Variants in NLRP12 observed in about 807,000 individuals in gnomAD.
NLRP12 encodes the protein NACHT, LRR and PYD domains-containing protein 12.
A neutral mutation model predicts 91.2 loss-of-function variants in NLRP12; 108 were observed. The ratio of observed to expected loss-of-function variants is 1.18; its 90% confidence interval spans 1.01 to 1.39. NLRP12 has a LOEUF of 1.39. Ranked by LOEUF, NLRP12 falls within the 40% of genes most tolerant of loss-of-function variation. The pLI, the probability that NLRP12 is intolerant of heterozygous loss-of-function variation, is 0.00. For synonymous variants in NLRP12, 613 were observed against 566.7 expected (o/e 1.08, Z -1.16); for missense variants, 1,530 against 1,352.7 (o/e 1.13, Z -2.06).
rs1189952719 is a variant in NLRP12 at position 53,810,822 on chromosome 19, G to A, written c.837C>T (p.Leu279=). Residue 279 remains leucine, a synonymous_variant, in exon 3 of 10, where the codon CTC becomes CTT. Coordinates refer to ENST00000324134, the MANE Select transcript of NLRP12 (RefSeq NM_144687.4). The stretch of plus-strand genomic sequence containing the variant: ...GCTCGGGAACTCGGATGAGCTCCTG[G>A]AGAGGCGCGCTGGGCTCAGGCCAGC... ...FSCWPEPSAP[L]QELIRVPERL... 2 of 1,614,124 alleles carry A rather than the reference G, an allele frequency of 1.2e-6. No homozygotes were observed. The highest frequency in any genetic ancestry group is 2.2e-5 in the East Asian group (1 of 44,882).
intron 1 of NLRP12, among the ~76,000 whole-genome samples, chr19:53,815,238 T>TTTTC: frequency 6.8e-6 from 1 of 147,274 alleles, no homozygotes; most frequent in African/African-American, 2.5e-5. Context: ...TTTTTTTTTT[T>TTTTC]TTTTTTTTGA....
At chr19:53,821,226 C>T (rs964576376) in intron 1 of NLRP12, among the ~76,000 whole-genome samples, 1 of 151,696 alleles carries the variant, frequency 6.6e-6, no homozygotes, top group African/African-American at 2.4e-5. Flanking sequence ...TTAGTAGAGA[C>T]AGGGTTTCAC....
chr19:53,811,900 G>C (rs1047251799), intron 2 of NLRP12, among the ~76,000 whole-genome samples: 1 of 152,034 alleles, frequency 6.6e-6, no homozygotes, highest in Non-Finnish European at 1.5e-5. Context: ...TTTATAGAAC[G>C]GGTACATTAC....
intron 2 of NLRP12, among the ~76,000 whole-genome samples, chr19:53,814,407 C>A (rs1239983990): frequency 1.3e-5 from 2 of 152,044 alleles, no homozygotes; most frequent in Middle Eastern, 3.2e-3. Context: ...GGCTGGAGTG[C>A]AGTGGTGCAA....
At chr19:53,808,273 G>C (rs572085077) in intron 3 of NLRP12, 1 of 178,262 alleles carries the variant, frequency 5.6e-6, no homozygotes, top group East Asian at 1.4e-4. Flanking sequence ...TGTCCAGGCT[G>C]CACCTGGCTC....
intron 6 of NLRP12, among the ~76,000 whole-genome samples, chr19:53,802,524 G>A (rs1019807862): frequency 1.3e-5 from 2 of 151,798 alleles, no homozygotes; most frequent in African/African-American, 4.8e-5. Flanking sequence ...TGGCTAACAC[G>A]GTGAAACCCC....
chr19:53,824,296 A>C lies in NLRP12; in HGVS notation c.-122T>G. On this transcript the variant is annotated 5_prime_UTR_variant, in exon 1 of 10. Coordinates refer to ENST00000324134, the MANE Select transcript of NLRP12 (RefSeq NM_144687.4). ...TCACAGGCAGCGGGCGGAGAGGCTGAGCCAGTGGTTGGAGGAGAGAGCAAG... is the reference window on the plus strand; with the variant it reads ...TCACAGGCAGCGGGCGGAGAGGCTGCGCCAGTGGTTGGAGGAGAGAGCAAG... 1 of 1,044,226 alleles carries C rather than the reference A, an allele frequency of 9.6e-7. No individual in the cohort carries two copies. Among genetic ancestry groups the C allele is most frequent in the Non-Finnish European group, 1.4e-6 (1 of 693,962 alleles). The allele number at this position is 1,044,226 out of a possible 1,614,324, so 64.7% of individuals were successfully genotyped here.
At chr19:53,800,987 G>A (rs1342222872) in intron 7 of NLRP12, among the ~76,000 whole-genome samples, 1 of 151,430 alleles carries the variant, frequency 6.6e-6, no homozygotes, top group Non-Finnish European at 1.5e-5. Context: ...GAGGTCAGTA[G>A]ATCGAGACCA....
At position 53,811,042 on chromosome 19, in the gene NLRP12, C is replaced by A. The variant is rs139461508; in HGVS notation, c.617G>T (p.Arg206Leu). 3 of 1,612,398 alleles carry A rather than the reference C, an allele frequency of 1.9e-6. No individual in the cohort carries two copies. Among genetic ancestry groups the A allele is most frequent in the African/African-American group, 1.3e-5 (1 of 74,896 alleles). Residue 206 changes from arginine (R) to leucine (L), a missense_variant, in exon 3 of 10, where the codon CGC becomes CTC. Coordinates refer to ENST00000324134, the MANE Select transcript of NLRP12 (RefSeq NM_144687.4). Reference protein sequence around the residue: ...IETLFEPDEERPEPPRTVVMQ... With the variant: ...IETLFEPDEELPEPPRTVVMQ... The stretch of plus-strand genomic sequence containing the variant: ...GACCACGGTGCGCGGTGGCTCGGGG[C>A]GCTCCTCGTCTGGCTCAAAGAGGGT...
intron 1 of NLRP12, among the ~76,000 whole-genome samples, chr19:53,817,466 T>TGG (rs996813844): frequency 6.6e-6 from 1 of 151,730 alleles, no homozygotes; most frequent in African/African-American, 2.4e-5. Flanking sequence ...CTGGGCGCGG[T>TGG]GGCTCATGCC....
Position 53,820,206 on chromosome 19 carries a change from T to C in NLRP12, c.289+3680A>G, listed in dbSNP as rs183448381. 1.8e-4 allele frequency among the ~76,000 whole-genome samples: 28 copies of C among 152,052 alleles called. 1 individual carries two copies. The highest frequency in any genetic ancestry group is 3.3e-4 in the Admixed American group (5 of 15,240). On this transcript the variant is annotated intron_variant, in intron 1 of 9. Transcript: ENST00000324134. ...GCCTTTGAAGGCGTCCATGTCACAG[T>C]AGAGAAAACAGGTGAGAAATTACAT...
intron 2 of NLRP12, among the ~76,000 whole-genome samples, chr19:53,813,485 GT>G (rs571294368): frequency 2.6e-5 from 4 of 151,016 alleles, no homozygotes; most frequent in Non-Finnish European, 4.4e-5. Flanking sequence ...TGTATTTTTA[GT>G]AGAGACAAGG....
intron 1 of NLRP12, among the ~76,000 whole-genome samples, chr19:53,818,424 T>C (rs1049491737): frequency 2.0e-5 from 3 of 151,966 alleles, no homozygotes; most frequent in Admixed American, 6.6e-5. Flanking sequence ...TCCCAACATT[T>C]TGGGAGGCTG....
intron 1 of NLRP12, among the ~76,000 whole-genome samples, chr19:53,818,416 C>T (rs972753212): frequency 6.6e-6 from 1 of 151,846 alleles, no homozygotes; most frequent in African/African-American, 2.4e-5. Flanking sequence ...GCCTGTAATC[C>T]CAACATTTTG....
At chr19:53,794,626 TA>T (rs1228836462) in intron 9 of NLRP12, among the ~76,000 whole-genome samples, 1 of 112,480 alleles carries the variant, frequency 8.9e-6, no homozygotes, top group Non-Finnish European at 1.9e-5. Flanking sequence ...GGCCAATTCA[TA>T]ATTTATCATA....
In NLRP12 at chr19:53,801,463, T is replaced by C. The variant is rs2091872822; in HGVS notation, c.2586-66A>G. The C allele has an allele frequency of 2.6e-6, 4 of 1,543,842 alleles. No individual in the cohort carries two copies. In the East Asian group the frequency reaches 7.1e-5, roughly 27 times the overall value. Reference sequence around the variant, plus strand: ...CTTTCTTTTTCTTTTTTTTTTTTTTTTTTTTTGAGACAGAGTCCCACTCTG... The same window carrying C: ...CTTTCTTTTTCTTTTTTTTTTTTTTCTTTTTTGAGACAGAGTCCCACTCTG... On this transcript the variant is annotated intron_variant, in intron 6 of 9. Coordinates refer to ENST00000324134, the MANE Select transcript of NLRP12 (RefSeq NM_144687.4).
chr19:53,794,268 G>A (rs2091704514), intron 9 of NLRP12, 132 bp from the exon 10 acceptor site: 1 of 751,730 alleles, frequency 1.3e-6, no homozygotes, highest in Non-Finnish European at 2.4e-6. Flanking sequence ...CAACGCTGCT[G>A]GAAAGTAGGC....
chr19:53,809,666 A>C lies in NLRP12; in HGVS notation c.1993T>G (p.Leu665Val). The change falls in exon 3 of 10, where the codon TTG becomes GTG. Residue 665 changes from leucine (L) to valine (V), a missense_variant. By Grantham distance (32) the Leu-to-Val change is conservative (BLOSUM62 1). Transcript: ENST00000324134. ...KRCRSAQVLH[L>V]YGATYSADGE... ...TCCGCGCTGTAGGTGGCGCCATACA[A>C]GTGCAGCACCTGGGCGCTCCTGCAG... 6.2e-7 allele frequency: 1 copy of C among 1,613,996 alleles called. No homozygotes were observed. The highest frequency in any genetic ancestry group is 2.2e-5 in the East Asian group (1 of 44,872).
Position 53,810,048 on chromosome 19 carries a change from T to TGGGCC in NLRP12, c.1606_1610dup (p.Asp538AlafsTer6). ...TCAACAGCCTGGTCACGTCCTGGTC[T>TGGGCC]GGGCCTGCCCCGCCCTCCCCCTCGT... On this transcript the variant is annotated frameshift_variant, in exon 3 of 10. Coordinates refer to ENST00000324134, the MANE Select transcript of NLRP12 (RefSeq NM_144687.4). LOFTEE classifies it high-confidence loss of function. The TGGGCC allele has an allele frequency of 6.2e-7, 1 of 1,614,138 alleles. No homozygotes were observed. The highest frequency in any genetic ancestry group is 2.2e-5 in the East Asian group (1 of 44,880).
Sources: gnomAD v4.1 joint callset for allele counts (sites outside exome capture counted in the v4.1 genomes callset) on GRCh38, gnomAD v4.1.1 for gene constraint, MANE v1.5 for transcripts, NCBI Gene and HGNC (gene_info 2026-07-23, HGNC 2026-07-21) for gene names.